The following CD68 variants were observed in gnomAD, a reference collection of about 807,000 sequenced individuals.
CD68 encodes CD68 molecule.
CD68 carries 24 observed loss-of-function variants against 31.3 expected under a neutral mutation model. That is an observed-to-expected ratio of 0.77 (90% CI 0.55 to 1.08). The LOEUF (loss-of-function observed/expected upper bound fraction) is 1.08, where lower values mean the gene tolerates loss of function less well. Ranked by LOEUF, CD68 falls within the 50% of genes least tolerant of loss-of-function variation. The pLI, the probability that CD68 is intolerant of heterozygous loss-of-function variation, is 0.00. For missense variants in CD68, 461 were observed against 442.5 expected (o/e 1.04, Z -0.38); for synonymous variants, 190 against 179.6 (o/e 1.06, Z -0.46).
Position 7,581,375 on chromosome 17 carries a change from C to T in CD68, c.932-3C>T, listed in dbSNP as rs2071482841. On this transcript the variant is annotated splice_polypyrimidine_tract_variant and splice_region_variant and intron_variant, in intron 5 of 5. Transcript: ENST00000250092. The stretch of plus-strand genomic sequence containing the variant: ...ATACCTACCTGCCCTATCCTTCCGC[C>T]AGGTTTCTCCTGCCCCAGTGACCGG... 9.9e-6 allele frequency: 16 copies of T among 1,614,046 alleles called. No individual in the cohort carries two copies. The highest frequency in any genetic ancestry group is 1.4e-5 in the Non-Finnish European group (16 of 1,180,030).
At chr17:7,581,159 C>A (rs1168516364) in intron 5 of CD68, 93 bp downstream of exon 5, 1 of 1,256,556 alleles carries the variant, frequency 8.0e-7, no homozygotes, top group South Asian at 1.3e-5. Context: ...CTCTTCTTAA[C>A]CCCCCAAATC....
Position 7,580,024 on chromosome 17 carries a change from C to T in CD68, c.264C>T (p.Asn88=), listed in dbSNP as rs140285995. 1.1e-3 allele frequency: 1,724 copies of T among 1,613,908 alleles called. 4 individuals carry two copies. Among genetic ancestry groups the T allele is most frequent in the East Asian group, 8.2e-3 (366 of 44,888 alleles). ...THNPTTTSHG[N]VTVHPTSNST... ...ACCCCACCACCACCAGCCATGGAAA[C>T]GTCACAGTTCATCCAACAAGCAATA... The change falls in exon 2 of 6, where the codon AAC becomes AAT. Residue 88 remains asparagine (N), a synonymous_variant. Coordinates refer to ENST00000250092, the MANE Select transcript of CD68 (RefSeq NM_001251.3). This position sits in a 1 kb window ranked among gnomAD's most constrained non-coding sequence, Gnocchi z 4.3.
chr17:7,580,694 T>C lies in CD68; in HGVS notation c.688-17T>C, dbSNP rs1286731879. The C allele has an allele frequency of 6.2e-7, 1 of 1,613,986 alleles. No homozygotes were observed. The highest frequency in any genetic ancestry group is 2.2e-5 in the East Asian group (1 of 44,856). On this transcript the variant is annotated splice_polypyrimidine_tract_variant and intron_variant, in intron 3 of 5. Coordinates refer to ENST00000250092, the MANE Select transcript of CD68 (RefSeq NM_001251.3). This position sits in a 1 kb window ranked among gnomAD's most constrained non-coding sequence, Gnocchi z 4.3. Reference sequence around the variant, plus strand: ...GTGGAGAGGGATACCACCTGCGCCTTCCTCTTCGCCCCACAGGACCTCCAG... The same window carrying C: ...GTGGAGAGGGATACCACCTGCGCCTCCCTCTTCGCCCCACAGGACCTCCAG...
Position 7,580,611 on chromosome 17 carries a change from CCT to C in CD68, c.687+28_687+29del. Reference sequence around the variant, plus strand: ...GTATAGCCATGACCTCAGTCTCACCCCTCACTCAGCCTCCCGGCGCCCCTCCC... The same window carrying C: ...GTATAGCCATGACCTCAGTCTCACCCCACTCAGCCTCCCGGCGCCCCTCCC... On this transcript the variant is annotated intron_variant, in intron 3 of 5. Coordinates refer to ENST00000250092, the MANE Select transcript of CD68 (RefSeq NM_001251.3). The surrounding 1 kb of genome is among the most constrained non-coding windows in gnomAD (Gnocchi z 4.3). 1 of 1,613,790 alleles carries C rather than the reference CCT, an allele frequency of 6.2e-7. No individual in the cohort carries two copies.
rs1567737981 is a variant in CD68 at position 7,580,702 on chromosome 17, G to GC, written c.688-5dup. ...GGATACCACCTGCGCCTTCCTCTTC[G>GC]CCCCACAGGACCTCCAGCAGAAGGT... On this transcript the variant is annotated splice_polypyrimidine_tract_variant and intron_variant, in intron 3 of 5. Transcript: ENST00000250092. The surrounding 1 kb of genome is among the most constrained non-coding windows in gnomAD (Gnocchi z 4.3). 2 of 1,613,724 alleles carry GC rather than the reference G, an allele frequency of 1.2e-6. No individual in the cohort carries two copies.
chr17:7,580,548 C>T lies in CD68; in HGVS notation c.650C>T (p.Ser217Leu). The T allele has an allele frequency of 6.2e-7, 1 of 1,614,066 alleles. No homozygotes were observed. ...CEGAHPHLLL[S>L]FPYGHLSFGF... is the part of the protein sequence containing the mutation. Reference sequence around the variant, plus strand: ...GGTGCCCATCCCCACCTGCTTCTCTCATTCCCCTATGGACACCTCAGCTTT... The same window carrying T: ...GGTGCCCATCCCCACCTGCTTCTCTTATTCCCCTATGGACACCTCAGCTTT... Residue 217 changes from serine (S) to leucine (L), a missense_variant, in exon 3 of 6, where the codon TCA becomes TTA. By Grantham distance (145) the Ser-to-Leu change is moderately radical. Coordinates refer to ENST00000250092, the MANE Select transcript of CD68 (RefSeq NM_001251.3). The surrounding 1 kb of genome is among the most constrained non-coding windows in gnomAD (Gnocchi z 4.3).
chr17:7,579,768 G>A (rs1567737161), intron 1 of CD68, 42 bp downstream of exon 1: 1 of 1,603,586 alleles, frequency 6.2e-7, no homozygotes. Context: ...CCCTGGGAGG[G>A]AGCCTGCCCT....
rs560775762 is a variant in CD68 at position 7,579,977 on chromosome 17, G to A, written c.217G>A (p.Gly73Arg). Reference sequence around the variant, plus strand: ...AACCACCACAGGCACCACCAGCCACGGACCCACGACTGCCACTCACAACCC... The same window carrying A: ...AACCACCACAGGCACCACCAGCCACAGACCCACGACTGCCACTCACAACCC... ...RTTTTGTTSH[G>R]PTTATHNPTT... is the part of the protein sequence containing the mutation. Residue 73 changes from glycine to arginine, a missense_variant, in exon 2 of 6, where the codon GGA becomes AGA. By Grantham distance (125) the Gly-to-Arg change is moderately radical. Transcript: ENST00000250092. 38 of 1,608,854 alleles carry A rather than the reference G, an allele frequency of 2.4e-5. No homozygotes were observed. The highest frequency in any genetic ancestry group is 1.7e-4 in the Middle Eastern group (1 of 6,060).
chr17:7,579,751 AG>A, intron 1 of CD68, 25 bp downstream of exon 1: 1 of 1,601,292 alleles, frequency 6.2e-7, no homozygotes, highest in East Asian at 2.2e-5. Flanking sequence ...GGCTGAGGGG[AG>A]GGGGCCCCTG....
In CD68 at chr17:7,581,646, G is replaced by A. The variant is rs2071486932; in HGVS notation, c.*135G>A. The A allele has an allele frequency of 9.3e-6, 9 of 968,606 alleles. No individual in the cohort carries two copies. The highest frequency in any genetic ancestry group is 1.1e-5 in the Non-Finnish European group (7 of 654,368). The allele number at this position is 968,606 out of a possible 1,614,324, so 60.0% of individuals were successfully genotyped here. ...TCTTGAAGAACAAAAAGAAAGCCGGGCATGACGGCTCATGCCTGTAATCCC... is the reference window on the plus strand; with the variant it reads ...TCTTGAAGAACAAAAAGAAAGCCGGACATGACGGCTCATGCCTGTAATCCC... On this transcript the variant is annotated 3_prime_UTR_variant, in exon 6 of 6. Transcript: ENST00000250092.
rs1224099532 is a variant in CD68, at chr17:7,581,563, G to A, written c.*52G>A. 2 of 1,586,084 alleles carry A rather than the reference G, an allele frequency of 1.3e-6. No homozygotes were observed. The highest frequency in any genetic ancestry group is 2.2e-5 in the East Asian group (1 of 44,682). On this transcript the variant is annotated 3_prime_UTR_variant, in exon 6 of 6. Coordinates refer to ENST00000250092, the MANE Select transcript of CD68 (RefSeq NM_001251.3). ...GAGGGGGTTGGGGTGTGGTGGGGGG[G>A]TACCCTTATTTCCTCGACACGCAAC... is the stretch of plus-strand genomic sequence containing the variant.
chr17:7,580,111 A>T lies in CD68; in HGVS notation c.351A>T (p.Gly117=). Residue 117 remains glycine (G), a synonymous_variant, in exon 2 of 6, where the codon GGA becomes GGT. Transcript: ENST00000250092. The surrounding 1 kb of genome is among the most constrained non-coding windows in gnomAD (Gnocchi z 4.3). ...ATHSPATTSH[G]NATVHPTSNS... ...ACAGTCCTGCCACCACTAGTCATGG[A>T]AATGCCACGGTTCATCCAACAAGCA... 3 of 1,614,086 alleles carry T rather than the reference A, an allele frequency of 1.9e-6. No homozygotes were observed. The South Asian group carries it at 3.3e-5, about 18-fold the overall frequency.
chr17:7,580,382 C>CAGAGGGA lies in CD68; in HGVS notation c.567+59_567+65dup. ...AGGGAGGCAGGACTGGATATAGGCTCAGAGGGAAGAAGGAAGAGGGGACAG... is the reference window on the plus strand; with the variant it reads ...AGGGAGGCAGGACTGGATATAGGCTCAGAGGGAAGAGGGAAGAAGGAAGAGGGGACAG... On this transcript the variant is annotated intron_variant, in intron 2 of 5. Transcript: ENST00000250092. The surrounding 1 kb of genome is among the most constrained non-coding windows in gnomAD (Gnocchi z 4.3). 6.2e-7 allele frequency: 1 copy of CAGAGGGA among 1,609,028 alleles called. No homozygotes were observed. The highest frequency in any genetic ancestry group is 1.7e-5 in the Admixed American group (1 of 59,736).
rs1246634085 is a variant in CD68, at chr17:7,579,653, G to A, written c.-25G>A. ...AGCAACTGGTGCAGACAGCCTAGCT[G>A]GACTTTGGGTGAGGCGGTTCAGCCA... On this transcript the variant is annotated 5_prime_UTR_variant, in exon 1 of 6. Coordinates refer to ENST00000250092, the MANE Select transcript of CD68 (RefSeq NM_001251.3). The A allele has an allele frequency of 3.8e-6, 6 of 1,599,828 alleles. No homozygotes were observed. Among genetic ancestry groups the A allele is most frequent in the Non-Finnish European group, 3.4e-6 (4 of 1,173,928 alleles).
At position 7,580,702 on chromosome 17, in the gene CD68, G is replaced by A. The variant is rs146835067; in HGVS notation, c.688-9G>A. ...GGATACCACCTGCGCCTTCCTCTTC[G>A]CCCCACAGGACCTCCAGCAGAAGGT... On this transcript the variant is annotated splice_polypyrimidine_tract_variant and intron_variant, in intron 3 of 5. Transcript: ENST00000250092. The surrounding 1 kb of genome is among the most constrained non-coding windows in gnomAD (Gnocchi z 4.3). 86 of 1,613,722 alleles carry A rather than the reference G, an allele frequency of 5.3e-5. No individual in the cohort carries two copies. The highest frequency in any genetic ancestry group is 2.9e-4 in the African/African-American group (22 of 74,852).
At position 7,581,621 on chromosome 17, in the gene CD68, T is replaced by C. The variant is rs887111646; in HGVS notation, c.*110T>C. 10 of 1,232,904 alleles carry C rather than the reference T, an allele frequency of 8.1e-6. No individual in the cohort carries two copies. The highest frequency in any genetic ancestry group is 1.1e-6 in the Non-Finnish European group (1 of 872,380). The allele number at this position is 1,232,904 out of a possible 1,614,324, so 76.4% of individuals were successfully genotyped here. ...AAGACAATGTTATTTTCCTTCCCTT[T>C]CTTGAAGAACAAAAAGAAAGCCGGG... On this transcript the variant is annotated 3_prime_UTR_variant, in exon 6 of 6. Coordinates refer to ENST00000250092, the MANE Select transcript of CD68 (RefSeq NM_001251.3).
chr17:7,581,320 A>G, intron 5 of CD68, 58 bp from the exon 6 acceptor site: 2 of 1,604,606 alleles, frequency 1.2e-6, no homozygotes, highest in Non-Finnish European at 1.7e-6. Flanking sequence ...CCCTCCTCCC[A>G]CCTTTATCCC....
rs1221050001 is a variant in CD68 at position 7,580,824 on chromosome 17, G to A, written c.760+41G>A. The A allele has an allele frequency of 3.1e-6, 5 of 1,613,332 alleles. No homozygotes were observed. Among genetic ancestry groups the A allele is most frequent in the Admixed American group, 1.7e-5 (1 of 59,974 alleles). ...CCCTTTCTCATTGCTACCACTAGACGCCAGGGTTCCTGAAAGGACTAAGCT... is the reference window on the plus strand; with the variant it reads ...CCCTTTCTCATTGCTACCACTAGACACCAGGGTTCCTGAAAGGACTAAGCT... On this transcript the variant is annotated intron_variant, in intron 4 of 5. Coordinates refer to ENST00000250092, the MANE Select transcript of CD68 (RefSeq NM_001251.3). The surrounding 1 kb of genome is among the most constrained non-coding windows in gnomAD (Gnocchi z 4.3).
At position 7,580,651 on chromosome 17, in the gene CD68, C is replaced by T. The variant is rs2071472232; in HGVS notation, c.688-60C>T. On this transcript the variant is annotated intron_variant, in intron 3 of 5. Transcript: ENST00000250092. The surrounding 1 kb of genome is among the most constrained non-coding windows in gnomAD (Gnocchi z 4.3). ...CGGCGCCCCTCCCCTCCCAATCCCA[C>T]ACGCTACTCCTTCCTCTGTGGAGAG... The T allele has an allele frequency of 6.2e-7, 1 of 1,613,656 alleles. No individual in the cohort carries two copies.
Sources: gnomAD v4.1 joint callset for allele counts on GRCh38, gnomAD v4.1.1 for gene constraint, Gnocchi (gnomAD v3.1) non-coding constraint, MANE v1.5 for transcripts, NCBI Gene and HGNC (gene_info 2026-07-23, HGNC 2026-07-21) for gene names.